ADHFE1: variants seen among roughly 807,000 people sequenced by gnomAD.
The protein encoded by ADHFE1 is hydroxyacid-oxoacid transhydrogenase, mitochondrial.
In ADHFE1, 37 loss-of-function variants were observed where a neutral mutation model predicts 54.8. The observed-to-expected ratio is 0.68, with a 90% confidence interval of 0.52 to 0.89. The LOEUF is 0.89. Ranked by LOEUF, ADHFE1 falls within the 40% of genes least tolerant of loss-of-function variation. ADHFE1 has a pLI of 0.00. For missense variants in ADHFE1, 601 were observed against 591.2 expected (o/e 1.02, Z -0.17); for synonymous variants, 203 against 229.3 (o/e 0.89, Z 1.04).
rs1455451683 is a variant in ADHFE1 at position 66,462,389 on chromosome 8, A to G, written c.1320+1924A>G. Among the ~76,000 whole-genome samples the G allele has an allele frequency of 3.9e-5, 6 of 152,216 alleles. No homozygotes were observed. The East Asian group carries it at 1.2e-3, about 29-fold the overall frequency. On this transcript the variant is annotated intron_variant, in intron 13 of 13. Transcript: ENST00000396623. ...CTCAGCCTCCCGAGTAGCCAGCACT[A>G]TAGGTGTGTGCCACCATACCAGGCT...
chr8:66,466,132 A>C (rs1177324874), intron 13 of ADHFE1, among the ~76,000 whole-genome samples: 2 of 150,262 alleles, frequency 1.3e-5, no homozygotes, highest in Non-Finnish European at 3.0e-5. Flanking sequence ...GCAGTGGTGC[A>C]ATCTCGGCTC....
chr8:66,435,301 G>T (rs1805404778), intron 1 of ADHFE1, among the ~76,000 whole-genome samples: 1 of 152,166 alleles, frequency 6.6e-6, no homozygotes, highest in South Asian at 2.1e-4. Context: ...GAGGTCAAAA[G>T]TCTGAAATGA....
At chr8:66,433,434 G>A (rs1328457539) in intron 1 of ADHFE1, among the ~76,000 whole-genome samples, 2 of 152,158 alleles carry the variant, frequency 1.3e-5, no homozygotes. Flanking sequence ...CGATGAGCCC[G>A]GCAGTGTCTT....
chr8:66,445,257 T>G lies in ADHFE1; in HGVS notation c.393T>G (p.Phe131Leu). ...EAIEFAQKGAFDAYVAVGGGS... is the reference protein window; with the variant it reads ...EAIEFAQKGALDAYVAVGGGS... ...TTGAGTTTGCCCAAAAGGGAGCTTT[T>G]GATGCCTATGTTGCTGTCGGTGGTG... is the stretch of plus-strand genomic sequence containing the variant. The change falls in exon 6 of 14, where the codon TTT (phenylalanine) becomes TTG (leucine). Residue 131 changes from phenylalanine to leucine, a missense_variant. Physicochemically the swap from Phe to Leu is conservative, Grantham distance 22. Coordinates refer to ENST00000396623, the MANE Select transcript of ADHFE1 (RefSeq NM_144650.3). 2 of 1,613,022 alleles carry G rather than the reference T, an allele frequency of 1.2e-6. No individual in the cohort carries two copies. The highest frequency in any genetic ancestry group is 1.7e-6 in the Non-Finnish European group (2 of 1,179,742).
intron 2 of ADHFE1, 69 bp downstream of exon 2, chr8:66,440,268 G>A: frequency 1.4e-6 from 2 of 1,458,568 alleles, no homozygotes; most frequent in Admixed American, 2.0e-5. Flanking sequence ...ATACATTTGG[G>A]TAGTGTATGT....
At chr8:66,438,139 T>C (rs2130347450) in intron 1 of ADHFE1, among the ~76,000 whole-genome samples, 1 of 152,156 alleles carries the variant, frequency 6.6e-6, no homozygotes, top group Admixed American at 6.5e-5. Flanking sequence ...AGTGACATCA[T>C]TGGAAATATG....
intron 10 of ADHFE1, among the ~76,000 whole-genome samples, chr8:66,454,707 C>G: frequency 6.6e-6 from 1 of 151,710 alleles, no homozygotes; most frequent in East Asian, 1.9e-4. Context: ...TACTTTTTTT[C>G]TTTTTCTTTT....
intron 2 of ADHFE1, 127 bp from the exon 3 acceptor site, chr8:66,442,671 C>A: frequency 1.2e-6 from 1 of 832,108 alleles, no homozygotes; most frequent in East Asian, 2.7e-5. Context: ...ACAGTGAAAC[C>A]TGGAAAAAAT....
rs1806626076 is a variant in ADHFE1, at chr8:66,457,071, C to A, written c.1067C>A (p.Pro356His). The change falls in exon 12 of 14, where the codon CCC becomes CAC. Residue 356 changes from proline (P) to histidine (H), a missense_variant and splice_region_variant. Pro to His is a moderately conservative substitution (Grantham distance 77). Coordinates refer to ENST00000396623, the MANE Select transcript of ADHFE1 (RefSeq NM_144650.3). ...KDYNVDHPLV[P>H]HGLSVVLTSP... ...TCACCGCATTTCGTTTCTCCCCAGCCCCATGGCCTTTCTGTGGTGCTCACG... is the reference window on the plus strand; with the variant it reads ...TCACCGCATTTCGTTTCTCCCCAGCACCATGGCCTTTCTGTGGTGCTCACG... The A allele has an allele frequency of 9.9e-6, 16 of 1,613,226 alleles. No individual in the cohort carries two copies. Among genetic ancestry groups the A allele is most frequent in the Non-Finnish European group, 1.3e-5 (15 of 1,179,460 alleles).
intron 3 of ADHFE1, among the ~76,000 whole-genome samples, chr8:66,444,129 GT>G (rs1805906643): frequency 6.8e-6 from 1 of 148,084 alleles, no homozygotes; most frequent in African/African-American, 2.5e-5. Flanking sequence ...ACAGTTGAGA[GT>G]TTATGATGTG....
chr8:66,447,253 T>G lies in ADHFE1; in HGVS notation c.551-11T>G, dbSNP rs1806080429. The G allele has an allele frequency of 1.2e-6, 2 of 1,610,386 alleles. No individual in the cohort carries two copies. The highest frequency in any genetic ancestry group is 2.7e-5 in the African/African-American group (2 of 74,846). On this transcript the variant is annotated splice_polypyrimidine_tract_variant and intron_variant, in intron 6 of 13. Coordinates refer to ENST00000396623, the MANE Select transcript of ADHFE1 (RefSeq NM_144650.3). ...AGATGCTTTATTAAAATTAATATTA[T>G]TTTGTTCAAGTGCCAACTACCTCAG...
In ADHFE1 at chr8:66,439,616, G is replaced by T. The variant is rs1805642418; in HGVS notation, c.60-546G>T. 1.5e-5 allele frequency: 15 copies of T among 985,828 alleles called. No homozygotes were observed. In the South Asian group the frequency reaches 5.2e-4, roughly 34 times the overall value. 61.1% of individuals were successfully genotyped at this position (985,828 alleles called of 1,614,324 possible). On this transcript the variant is annotated intron_variant, in intron 1 of 13. Coordinates refer to ENST00000396623, the MANE Select transcript of ADHFE1 (RefSeq NM_144650.3). The surrounding 1 kb of genome is among the most constrained non-coding windows in gnomAD (Gnocchi z 4.4). ...GAGCTCGGAGCCCGGGGCTGCAACT[G>T]GGCAGAGAAAGATGGGGACCAGGGA... is the stretch of plus-strand genomic sequence containing the variant.
At position 66,457,095 on chromosome 8, in the gene ADHFE1, C is replaced by T. The variant is rs376912450; in HGVS notation, c.1091C>T (p.Thr364Met). 5.7e-5 allele frequency: 92 copies of T among 1,613,636 alleles called. No individual in the cohort carries two copies. The Admixed American group carries it at 6.7e-4, about 12-fold the overall frequency. ...CCCCATGGCCTTTCTGTGGTGCTCA[C>T]GTCCCCAGCGGTGTTCACTTTCACG... is the stretch of plus-strand genomic sequence containing the variant. ...LVPHGLSVVLTSPAVFTFTAQ... is the reference protein window; with the variant it reads ...LVPHGLSVVLMSPAVFTFTAQ... The change falls in exon 12 of 14, where the codon ACG becomes ATG. Residue 364 changes from threonine (T) to methionine (M), a missense_variant. Coordinates refer to ENST00000396623, the MANE Select transcript of ADHFE1 (RefSeq NM_144650.3).
intron 12 of ADHFE1, among the ~76,000 whole-genome samples, chr8:66,458,517 T>TGCC (rs1309631188): frequency 3.3e-5 from 5 of 152,206 alleles, no homozygotes; most frequent in African/African-American, 1.2e-4. Context: ...TTTGTGTATA[T>TGCC]TCAAAGCATG....
intron 1 of ADHFE1, among the ~76,000 whole-genome samples, chr8:66,434,538 A>T (rs1805365117): frequency 6.6e-6 from 1 of 152,238 alleles, no homozygotes; most frequent in East Asian, 1.9e-4. Context: ...TAAACATTTT[A>T]AAAGTGGGAG....
chr8:66,448,837 G>A, intron 7 of ADHFE1, 28 bp from the exon 8 acceptor site: 1 of 1,585,776 alleles, frequency 6.3e-7, no homozygotes, highest in Non-Finnish European at 8.6e-7. Context: ...CATGGCTTTA[G>A]CCTCTACTGA....
intron 8 of ADHFE1, among the ~76,000 whole-genome samples, chr8:66,450,751 C>T (rs752521100): frequency 2.0e-5 from 3 of 152,232 alleles, no homozygotes; most frequent in Non-Finnish European, 4.4e-5. Flanking sequence ...AGGCAGAGGT[C>T]ACACTCTGAC....
In ADHFE1 at chr8:66,447,267, C is replaced by T; in HGVS notation, c.554C>T (p.Pro185Leu). The T allele has an allele frequency of 6.2e-7, 1 of 1,612,554 alleles. No homozygotes were observed. The highest frequency in any genetic ancestry group is 8.5e-7 in the Non-Finnish European group (1 of 1,179,120). The change falls in exon 7 of 14, where the codon CCA becomes CTA. Residue 185 changes from proline to leucine, a missense_variant. By Grantham distance (98) the Pro-to-Leu change is moderately conservative (BLOSUM62 -3). Coordinates refer to ENST00000396623, the MANE Select transcript of ADHFE1 (RefSeq NM_144650.3). ...SVPLKPLIAV[P>L]TTSGTGSETT... ...AATTAATATTATTTTGTTCAAGTGCCAACTACCTCAGGAACCGGGAGTGAA... is the reference window on the plus strand; with the variant it reads ...AATTAATATTATTTTGTTCAAGTGCTAACTACCTCAGGAACCGGGAGTGAA...
At position 66,439,969 on chromosome 8, in the gene ADHFE1, G is replaced by C. The variant is rs570168656; in HGVS notation, c.60-193G>C. Among the ~76,000 whole-genome samples, 11 of 152,280 alleles carry C rather than the reference G, an allele frequency of 7.2e-5. No individual in the cohort carries two copies. The highest frequency in any genetic ancestry group is 6.8e-3 in the Middle Eastern group (2 of 294). The stretch of plus-strand genomic sequence containing the variant: ...AATGATGCTACAGCGCTGGGAAGAC[G>C]CTGAGTCAACTTTTTGTCCATCGTG... On this transcript the variant is annotated intron_variant, in intron 1 of 13. Coordinates refer to ENST00000396623, the MANE Select transcript of ADHFE1 (RefSeq NM_144650.3). The surrounding 1 kb of genome is among the most constrained non-coding windows in gnomAD (Gnocchi z 4.4).
Sources: gnomAD v4.1 joint callset for allele counts (sites outside exome capture counted in the v4.1 genomes callset) on GRCh38, gnomAD v4.1.1 for gene constraint, Gnocchi (gnomAD v3.1) non-coding constraint, MANE v1.5 for transcripts, NCBI Gene and HGNC (gene_info 2026-07-23, HGNC 2026-07-21) for gene names.